The following LINGO1 variants were observed in gnomAD, a reference collection of about 807,000 sequenced individuals.
LINGO1 encodes leucine-rich repeat and immunoglobulin-like domain-containing nogo receptor-interacting protein 1.
In LINGO1, 11 loss-of-function variants were observed where a neutral mutation model predicts 37.3. That is an observed-to-expected ratio of 0.29 (90% CI 0.19 to 0.49). The LOEUF (loss-of-function observed/expected upper bound fraction) is 0.49, where lower values mean the gene tolerates loss of function less well. LINGO1 is among the 20% of genes least tolerant of loss of function. LINGO1 has a pLI of 0.99. For synonymous variants in LINGO1, 387 were observed against 403.0 expected (o/e 0.96, Z 0.48); for missense variants, 585 against 878.2 (o/e 0.67, Z 4.22).
chr15:77,705,174 G>GACAC (rs72451354), intron 2 of LINGO1, among the ~76,000 whole-genome samples: 3,038 of 99,106 alleles, frequency 0.031, 154 homozygotes, highest in Middle Eastern at 0.038. Context: ...CCCCTGCCAT[G>GACAC]ACACACACAC....
chr15:77,659,908 C>T (rs2074951082), intron 3 of LINGO1: 1 of 152,206 alleles, frequency 6.6e-6, no homozygotes, highest in Admixed American at 6.5e-5. Context: ...GCAGAGGGCA[C>T]CCTGGGAACC....
intron 3 of LINGO1, among the ~76,000 whole-genome samples, chr15:77,652,504 G>GTA (rs2074782469): frequency 6.6e-6 from 1 of 150,856 alleles, no homozygotes; most frequent in African/African-American, 2.5e-5. Context: ...GTGTGTGTGT[G>GTA]TGTGTGTGTG....
chr15:77,700,083 G>A (rs543270414), upstream of LINGO1, among the ~76,000 whole-genome samples: 36 of 152,276 alleles, frequency 2.4e-4, no homozygotes, highest in South Asian at 7.0e-3. Flanking sequence ...GAGGTGGCTG[G>A]GGAACCAGCA....
intron 1 of LINGO1, among the ~76,000 whole-genome samples, chr15:77,616,502 C>A (rs1316530087): frequency 1.3e-5 from 2 of 152,222 alleles, no homozygotes; most frequent in Admixed American, 1.3e-4. Flanking sequence ...AGCTCTGTGG[C>A]TGGGTCTGCA....
At chr15:77,737,033 G>A (rs1466298645) in intron 1 of LINGO1, among the ~76,000 whole-genome samples, 1 of 152,200 alleles carries the variant, frequency 6.6e-6, no homozygotes, top group Non-Finnish European at 1.5e-5. Flanking sequence ...GAGTGCTTAG[G>A]TGTTTCCAAT....
intron 1 of LINGO1, among the ~76,000 whole-genome samples, chr15:77,753,447 C>T (rs2076390458): frequency 6.6e-6 from 1 of 152,196 alleles, no homozygotes; most frequent in Admixed American, 6.5e-5. Context: ...CTGAGCCAGG[C>T]GCTGTTCATG....
upstream of LINGO1, among the ~76,000 whole-genome samples, chr15:77,788,925 G>A (rs2076796902): frequency 6.6e-6 from 1 of 152,178 alleles, no homozygotes; most frequent in Non-Finnish European, 1.5e-5. Flanking sequence ...CATGTACCAT[G>A]TTCCTGGGCC....
rs34255197 is a variant in LINGO1 at position 77,727,726 on chromosome 15, G to GTT, written c.-195+7264_-195+7265dup. 4.8e-5 allele frequency among the ~76,000 whole-genome samples: 7 copies of GTT among 147,326 alleles called. No homozygotes were observed. The South Asian group carries it at 1.5e-3, about 32-fold the overall frequency. On this transcript the variant is annotated intron_variant, in intron 2 of 3. Transcript: ENST00000561686. ...ATGGCTAAGATGATACATTTTATAT[G>GTT]TTTTTTTTTTACCATAATTTAAAAA...
At chr15:77,763,151 G>C (rs1476146201) in intron 1 of LINGO1, among the ~76,000 whole-genome samples, 1 of 152,178 alleles carries the variant, frequency 6.6e-6, no homozygotes, top group Non-Finnish European at 1.5e-5. Flanking sequence ...CTGTGGGATC[G>C]GCGGGCACAA....
intron 1 of LINGO1, among the ~76,000 whole-genome samples, chr15:77,813,693 C>T (rs2077025332): frequency 1.3e-5 from 2 of 152,154 alleles, no homozygotes; most frequent in Admixed American, 6.5e-5. Context: ...GGAATTACAG[C>T]CGTGAAATAG....
chr15:77,806,599 T>C (rs2076961689), intron 1 of LINGO1, among the ~76,000 whole-genome samples: 1 of 152,020 alleles, frequency 6.6e-6, no homozygotes, highest in Non-Finnish European at 1.5e-5. Context: ...CTTTACAAAC[T>C]GTAAAGGGCT....
intron 1 of LINGO1, among the ~76,000 whole-genome samples, chr15:77,694,347 A>G (rs1226191373): frequency 6.6e-6 from 1 of 152,130 alleles, no homozygotes; most frequent in African/African-American, 2.4e-5. Context: ...ATGAGGAAAC[A>G]GGCCCAGAGA....
chr15:77,709,653 C>T (rs1364500315), intron 2 of LINGO1, among the ~76,000 whole-genome samples: 3 of 152,240 alleles, frequency 2.0e-5, no homozygotes, highest in African/African-American at 7.2e-5. Context: ...GGCATCACTG[C>T]TGAAAGGTCT....
chr15:77,628,554 G>T (rs1339897156), intron 1 of LINGO1, among the ~76,000 whole-genome samples: 1 of 152,220 alleles, frequency 6.6e-6, no homozygotes, highest in Non-Finnish European at 1.5e-5. Context: ...GCAAGGGATT[G>T]TGAAATACAT....
chr15:77,738,916 G>A (rs951694833), intron 1 of LINGO1, among the ~76,000 whole-genome samples: 8 of 152,262 alleles, frequency 5.3e-5, no homozygotes, highest in Admixed American at 2.0e-4. Context: ...GCAGGCAGGA[G>A]CCAGAGGGCA....
At chr15:77,631,971 GGGC>G (rs2074267687) in intron 1 of LINGO1, among the ~76,000 whole-genome samples, 1 of 152,140 alleles carries the variant, frequency 6.6e-6, no homozygotes, top group Non-Finnish European at 1.5e-5. Flanking sequence ...GCTGAGCAGG[GGGC>G]TTACCCTCTA....
chr15:77,662,181 T>C (rs2141172738), intron 3 of LINGO1, among the ~76,000 whole-genome samples: 1 of 152,294 alleles, frequency 6.6e-6, no homozygotes. Context: ...TACACAGTTC[T>C]GGGGCCCCAG....
chr15:77,814,215 C>A (rs1295235130), intron 1 of LINGO1, among the ~76,000 whole-genome samples: 1 of 152,158 alleles, frequency 6.6e-6, no homozygotes, highest in Non-Finnish European at 1.5e-5. Context: ...CCCCCAGTCT[C>A]CACCCCAGAA....
intron 1 of LINGO1, among the ~76,000 whole-genome samples, chr15:77,694,267 G>A (rs1030827595): frequency 2.0e-5 from 3 of 152,026 alleles, no homozygotes; most frequent in Non-Finnish European, 2.9e-5. Context: ...CGCTCCCACC[G>A]ATTCTCTACC....
Sources: gnomAD v4.1 joint callset for allele counts (sites outside exome capture counted in the v4.1 genomes callset) on GRCh38, gnomAD v4.1.1 for gene constraint, MANE v1.5 for transcripts, NCBI Gene and HGNC (gene_info 2026-07-23, HGNC 2026-07-21) for gene names.